The following LRP1 variants were observed in gnomAD, a reference collection of about 807,000 sequenced individuals.
LRP1 encodes the protein prolow-density lipoprotein receptor-related protein 1.
A neutral mutation model predicts 541.5 loss-of-function variants in LRP1; 51 were observed. The observed-to-expected ratio is 0.09, with a 90% confidence interval of 0.08 to 0.12. LRP1 has a LOEUF of 0.12. Ranked by LOEUF, LRP1 falls within the 10% of genes least tolerant of loss-of-function variation. The pLI is 1.00. For synonymous variants in LRP1, 2,219 were observed against 2,470.8 expected (o/e 0.90, Z 3.02); for missense variants, 3,878 against 6,376.2 (o/e 0.61, Z 13.34).
chr12:57,190,663 G>T (rs1463769867), intron 42 of LRP1, 142 bp from the exon 43 acceptor site: 2 of 671,148 alleles, frequency 3.0e-6, no homozygotes, highest in South Asian at 1.8e-5. Context: ...CCTGGGCATT[G>T]GGGCACTGCT....
chr12:57,208,091 C>T lies in LRP1; in HGVS notation c.11913C>T (p.Asn3971=), dbSNP rs147741862. ...TCGCCATCGACTGGGTGGCCGGAAA[C>T]GTGTACTGGACCGACTCGGGCCGAG... The part of the protein sequence containing the change: ...RGIAIDWVAG[N]VYWTDSGRDV... Residue 3971 remains asparagine (N), a synonymous_variant, in exon 77 of 89, where the codon AAC becomes AAT. Transcript: ENST00000243077. The T allele has an allele frequency of 1.8e-5, 29 of 1,614,086 alleles. No individual in the cohort carries two copies. The African/African-American group carries it at 2.8e-4, about 16-fold the overall frequency.
At chr12:57,187,822 C>T (rs1036953126) in intron 42 of LRP1, among the ~76,000 whole-genome samples, 1 of 152,182 alleles carries the variant, frequency 6.6e-6, no homozygotes, top group Non-Finnish European at 1.5e-5. Context: ...CGTACAGAAG[C>T]CTAAGGCTGG....
Position 57,154,403 on chromosome 12 carries a change from A to G in LRP1, c.1004+33A>G. 6.2e-7 allele frequency: 1 copy of G among 1,602,614 alleles called. No individual in the cohort carries two copies. The highest frequency in any genetic ancestry group is 8.5e-7 in the Non-Finnish European group (1 of 1,171,322). Reference sequence around the variant, plus strand: ...TGGCAGGCGGGGTTCTGGCCCTGGAAGGTGGGAGGCTGAGGCTACAGTGGT... The same window carrying G: ...TGGCAGGCGGGGTTCTGGCCCTGGAGGGTGGGAGGCTGAGGCTACAGTGGT... On this transcript the variant is annotated intron_variant, in intron 7 of 88. Coordinates refer to ENST00000243077, the MANE Select transcript of LRP1 (RefSeq NM_002332.3). The surrounding 1 kb of genome is among the most constrained non-coding windows in gnomAD (Gnocchi z 4.6).
rs1240114369 is a variant in LRP1 at position 57,179,548 on chromosome 12, T to G, written c.4958T>G (p.Val1653Gly). 1 of 1,613,848 alleles carries G rather than the reference T, an allele frequency of 6.2e-7. No individual in the cohort carries two copies. Among genetic ancestry groups the G allele is most frequent in the Admixed American group, 1.7e-5 (1 of 59,996 alleles). ...AACGGCACAGGCGTGGAGACAGTCGTCTCTGCAGGTTCTTCCTGGCCCTGG... is the reference window on the plus strand; with the variant it reads ...AACGGCACAGGCGTGGAGACAGTCGGCTCTGCAGGTTCTTCCTGGCCCTGG... ...FINGTGVETV[V>G]SADLPNAHGL... is the part of the protein sequence containing the mutation. The change falls in exon 29 of 89, where the codon GTC becomes GGC. Residue 1653 changes from valine to glycine, a missense_variant. Around this residue, in one of 13 missense-constraint regions of LRP1, gnomAD observed 394 missense variants for 635.9 expected, o/e 0.62. Transcript: ENST00000243077. The surrounding 1 kb of genome is among the most constrained non-coding windows in gnomAD (Gnocchi z 6.8).
At chr12:57,150,256 A>G (rs536513957) in intron 6 of LRP1, among the ~76,000 whole-genome samples, 1 of 136,994 alleles carries the variant, frequency 7.3e-6, no homozygotes, top group African/African-American at 2.9e-5. Context: ...CAGTGATGCA[A>G]TCTTGGCTCA....
rs1565721870 is a variant in LRP1 at position 57,154,367 on chromosome 12, T to TGGGGTGAGAGTGGCAGGC, written c.1004+3_1004+20dup. On this transcript the variant is annotated stop_gained and inframe_insertion, in exon 7 of 89. Coordinates refer to ENST00000243077, the MANE Select transcript of LRP1 (RefSeq NM_002332.3). LOFTEE classifies it high-confidence loss of function. The surrounding 1 kb of genome is among the most constrained non-coding windows in gnomAD (Gnocchi z 4.6). ...AAGGGCATTGCCCTGGACCCTGCCA[T>TGGGGTGAGAGTGGCAGGC]GGGGTGAGAGTGGCAGGCGGGGTTC... 6.2e-7 allele frequency: 1 copy of TGGGGTGAGAGTGGCAGGC among 1,608,768 alleles called. No homozygotes were observed. The highest frequency in any genetic ancestry group is 1.1e-5 in the South Asian group (1 of 91,006).
Position 57,143,813 on chromosome 12 carries a change from G to A in LRP1, c.448+15G>A, listed in dbSNP as rs2035345165. The stretch of plus-strand genomic sequence containing the variant: ...GACCTGCAAAGGTATGTGAGTGCAT[G>A]TGCCTGTGTGCATGTGTGTGTGCCA... On this transcript the variant is annotated intron_variant, in intron 4 of 88. Transcript: ENST00000243077. 2.5e-6 allele frequency: 4 copies of A among 1,610,598 alleles called. No homozygotes were observed. Among genetic ancestry groups the A allele is most frequent in the African/African-American group, 1.3e-5 (1 of 75,030 alleles).
chr12:57,167,071 C>A, intron 18 of LRP1, 25 bp downstream of exon 18: 1 of 1,593,252 alleles, frequency 6.3e-7, no homozygotes, highest in Non-Finnish European at 8.6e-7. Context: ...CAGAGGGAGT[C>A]AGGCTGGGCC....
Position 57,158,682 on chromosome 12 carries a change from T to C in LRP1, c.1798+44T>C. On this transcript the variant is annotated intron_variant, in intron 11 of 88. Transcript: ENST00000243077. The surrounding 1 kb of genome is among the most constrained non-coding windows in gnomAD (Gnocchi z 5.3). The stretch of plus-strand genomic sequence containing the variant: ...GTGGCCCATGGGGATGGAAGGGGGC[T>C]GGGGCCCAGGCATCTGTTTCTCGGT... 6.4e-7 allele frequency: 1 copy of C among 1,564,650 alleles called. No individual in the cohort carries two copies. Among genetic ancestry groups the C allele is most frequent in the Non-Finnish European group, 8.8e-7 (1 of 1,138,188 alleles).
In LRP1 at chr12:57,180,138, G is replaced by A. The variant is rs755226183; in HGVS notation, c.5233G>A (p.Val1745Met). 6.1e-5 allele frequency: 99 copies of A among 1,613,388 alleles called. No homozygotes were observed. The highest frequency in any genetic ancestry group is 7.8e-5 in the Non-Finnish European group (92 of 1,179,856). Reference sequence around the variant, plus strand: ...GCTCTTCAGTGGCCAGAAGGGCCCCGTGGGTACGAGCTTCCCTGCCCACCC... The same window carrying A: ...GCTCTTCAGTGGCCAGAAGGGCCCCATGGGTACGAGCTTCCCTGCCCACCC... ...TLLFSGQKGPVGLAIDFPESK... is the reference protein window; with the variant it reads ...TLLFSGQKGPMGLAIDFPESK... Residue 1745 changes from valine (V) to methionine (M), a missense_variant, in exon 31 of 89, where the codon GTG becomes ATG. Physicochemically the swap from Val to Met is conservative, Grantham distance 21. Transcript: ENST00000243077.
At chr12:57,138,761 C>G (rs1012210078) in intron 2 of LRP1, among the ~76,000 whole-genome samples, 180 bp downstream of exon 2, 4 of 152,188 alleles carry the variant, frequency 2.6e-5, no homozygotes, top group African/African-American at 9.7e-5. Flanking sequence ...TGGCATGGTG[C>G]CTGTTGGGCT....
At chr12:57,136,657 A>G (rs988277348) in intron 1 of LRP1, among the ~76,000 whole-genome samples, 2 of 152,088 alleles carry the variant, frequency 1.3e-5, no homozygotes, top group African/African-American at 4.8e-5. Flanking sequence ...GTGGGGGAGA[A>G]GGGGTGGGTG....
At chr12:57,130,172 C>G (rs1360676821) in intron 1 of LRP1, among the ~76,000 whole-genome samples, 1 of 152,064 alleles carries the variant, frequency 6.6e-6, no homozygotes, top group Non-Finnish European at 1.5e-5. Context: ...GGGGTGGGAT[C>G]TCATCCCCTC....
Position 57,206,975 on chromosome 12 carries a change from C to T in LRP1, c.11859+234C>T, listed in dbSNP as rs1195905090. ...ACAAAAATTTGGCTGAGCGCGGTGG[C>T]TCATGCCTGTAATCCCAGCACTTTG... On this transcript the variant is annotated intron_variant, in intron 76 of 88. Transcript: ENST00000243077. The surrounding 1 kb of genome is among the most constrained non-coding windows in gnomAD (Gnocchi z 4.7). Among the ~76,000 whole-genome samples the T allele has an allele frequency of 6.6e-6, 1 of 152,202 alleles. No individual in the cohort carries two copies. The highest frequency in any genetic ancestry group is 1.5e-5 in the Non-Finnish European group (1 of 68,040).
chr12:57,135,160 C>G (rs1162928372), intron 1 of LRP1, among the ~76,000 whole-genome samples: 1 of 152,230 alleles, frequency 6.6e-6, no homozygotes, highest in Admixed American at 6.5e-5. Context: ...AGTTAATAGT[C>G]ACCGTATTTC....
Position 57,208,220 on chromosome 12 carries a change from G to A in LRP1, c.12038+4G>A. ...TTGTGGTGGACCCACTGAGGGGGTG[G>A]GCAAGGGCCCTGGGGGGAGGCCTCT... is the stretch of plus-strand genomic sequence containing the variant. On this transcript the variant is annotated splice_donor_region_variant and intron_variant, in intron 77 of 88. Coordinates refer to ENST00000243077, the MANE Select transcript of LRP1 (RefSeq NM_002332.3). 6.2e-7 allele frequency: 1 copy of A among 1,612,692 alleles called. No individual in the cohort carries two copies. Among genetic ancestry groups the A allele is most frequent in the Non-Finnish European group, 8.5e-7 (1 of 1,179,432 alleles).
chr12:57,203,238 G>T lies in LRP1; in HGVS notation c.10769G>T (p.Gly3590Val). 6.2e-7 allele frequency: 1 copy of T among 1,611,402 alleles called. No individual in the cohort carries two copies. Among genetic ancestry groups the T allele is most frequent in the Non-Finnish European group, 8.5e-7 (1 of 1,178,850 alleles). Reference protein sequence around the residue: ...FSCANGRCIAGRWKCDGDHDC... With the variant: ...FSCANGRCIAVRWKCDGDHDC... ...TGTGCCAACGGCCGCTGCATCGCGG[G>T]GCGCTGGAAATGCGATGGAGACCAC... is the stretch of plus-strand genomic sequence containing the variant. Residue 3590 changes from glycine (G) to valine (V), a missense_variant, in exon 69 of 89, where the codon GGG becomes GTG. Around this residue, in one of 13 missense-constraint regions of LRP1, gnomAD observed 278 missense variants for 536.3 expected, o/e 0.52. Coordinates refer to ENST00000243077, the MANE Select transcript of LRP1 (RefSeq NM_002332.3).
chr12:57,144,432 A>G (rs137906143), intron 4 of LRP1, among the ~76,000 whole-genome samples: 27 of 152,120 alleles, frequency 1.8e-4, no homozygotes, highest in Non-Finnish European at 3.4e-4. Flanking sequence ...TTTCACTGCT[A>G]CAAGCAATGC....
At chr12:57,152,710 C>T (rs978490463) in intron 6 of LRP1, among the ~76,000 whole-genome samples, 2 of 152,120 alleles carry the variant, frequency 1.3e-5, no homozygotes, top group Non-Finnish European at 2.9e-5. Flanking sequence ...TGAATACTTA[C>T]GGGGGTAATA....
Sources: allele counts gnomAD v4.1 joint callset (sites outside exome capture counted in the v4.1 genomes callset), GRCh38; gene constraint gnomAD v4.1.1; regional missense constraint gnomAD v4.1.1; non-coding constraint Gnocchi (gnomAD v3.1); transcripts MANE v1.5; gene names NCBI Gene and HGNC (gene_info 2026-07-23, HGNC 2026-07-21).